Variants in GNG7 observed in about 807,000 individuals in gnomAD.
The protein encoded by GNG7 is G protein subunit gamma 7.
Under a neutral mutation model 4.0 loss-of-function variants are expected in GNG7, and 1 was observed. The ratio of observed to expected loss-of-function variants is 0.25; its 90% CI spans 0.09 to 1.18. The LOEUF is 1.18. GNG7 is among the 50% of genes most tolerant of loss of function. The pLI is 0.50. For missense variants in GNG7, 86 were observed against 91.9 expected, an observed-to-expected ratio of 0.94 and a Z score of 0.26; for synonymous variants, 34 against 36.9, an observed-to-expected ratio of 0.92 and a Z score of 0.29.
chr19:2,550,857 T>C (rs1979295115), intron 3 of GNG7, among the ~76,000 whole-genome samples: 1 of 152,128 alleles, frequency 6.6e-6, no homozygotes. Context: ...GGGAGAGGTA[T>C]CTGCTGAGTC....
At chr19:2,622,173 G>C (rs1981892000) in intron 2 of GNG7, among the ~76,000 whole-genome samples, 1 of 151,732 alleles carries the variant, frequency 6.6e-6, no homozygotes, top group Admixed American at 6.6e-5. Flanking sequence ...TCTGCCTCCC[G>C]GGTTCACGCC....
rs140684377 is a variant in GNG7, at chr19:2,550,272, C to T, written c.-38+4877G>A. Among the ~76,000 whole-genome samples, 717 of 152,304 alleles carry T rather than the reference C, an allele frequency of 4.7e-3. 2 individuals carry two copies. The highest frequency in any genetic ancestry group is 0.016 in the African/African-American group (675 of 41,550). Reference sequence around the variant, plus strand: ...TTGCTCTGTCGCCGAGGCTGGAGTGCAGTGGCGCAATCTCGGCTCACTGCA... The same window carrying T: ...TTGCTCTGTCGCCGAGGCTGGAGTGTAGTGGCGCAATCTCGGCTCACTGCA... On this transcript the variant is annotated intron_variant, in intron 3 of 4. Transcript: ENST00000382159.
intron 4 of GNG7, among the ~76,000 whole-genome samples, chr19:2,516,112 G>A (rs1366883225): frequency 6.6e-6 from 1 of 151,950 alleles, no homozygotes; most frequent in African/African-American, 2.4e-5. Flanking sequence ...AGCTAACTGG[G>A]GGGCTGAGGC....
intron 2 of GNG7, among the ~76,000 whole-genome samples, chr19:2,576,295 G>A (rs1189553614): frequency 6.6e-6 from 1 of 152,228 alleles, no homozygotes; most frequent in Non-Finnish European, 1.5e-5. Flanking sequence ...CAAACATGCC[G>A]GGTTGATTCC....
At chr19:2,635,740 A>G (rs990757130) in intron 2 of GNG7, among the ~76,000 whole-genome samples, 1 of 151,952 alleles carries the variant, frequency 6.6e-6, no homozygotes, top group African/African-American at 2.4e-5. Flanking sequence ...CCGCCACCAC[A>G]CCCAGCTAAT....
intron 1 of GNG7, among the ~76,000 whole-genome samples, chr19:2,673,257 C>CA (rs754605877): frequency 0.076 from 8,070 of 106,056 alleles, 487 homozygotes; most frequent in East Asian, 0.27. Context: ...GATTCCATCT[C>CA]AAAAAAAAAA....
At chr19:2,562,531 G>T (rs577552706) in intron 2 of GNG7, among the ~76,000 whole-genome samples, 1 of 152,276 alleles carries the variant, frequency 6.6e-6, no homozygotes, top group African/African-American at 2.4e-5. Flanking sequence ...CCTACAACAG[G>T]GTTTTTCCCC....
chr19:2,554,866 T>C (rs1979498982), intron 3 of GNG7, among the ~76,000 whole-genome samples: 1 of 152,106 alleles, frequency 6.6e-6, no homozygotes. Context: ...TTTTTATATT[T>C]TTGTATCTAT....
At chr19:2,672,356 G>A (rs1983476699) in intron 1 of GNG7, among the ~76,000 whole-genome samples, 1 of 151,914 alleles carries the variant, frequency 6.6e-6, no homozygotes, top group Admixed American at 6.6e-5. Context: ...GGGTCTCACT[G>A]TGTTGCCCAG....
At chr19:2,645,521 G>A (rs1367778200) in intron 2 of GNG7, among the ~76,000 whole-genome samples, 1 of 151,846 alleles carries the variant, frequency 6.6e-6, no homozygotes, top group Admixed American at 6.6e-5. Context: ...TTACAGGCAT[G>A]AGCCACCATG....
chr19:2,598,389 G>A (rs1981091713), intron 2 of GNG7, among the ~76,000 whole-genome samples: 1 of 152,062 alleles, frequency 6.6e-6, no homozygotes. Context: ...CGGGCGTGGT[G>A]GCTCACGCCT....
intron 2 of GNG7, among the ~76,000 whole-genome samples, chr19:2,613,536 G>A (rs1433568884): frequency 6.6e-5 from 10 of 152,306 alleles, no homozygotes; most frequent in Admixed American, 2.6e-4. Flanking sequence ...CCCACTCAGG[G>A]TGTGGATTTC....
rs1446257644 is a variant in GNG7, at chr19:2,557,433, T to C, written c.-77-2245A>G. 6.6e-6 allele frequency among the ~76,000 whole-genome samples: 1 copy of C among 152,204 alleles called. No individual in the cohort carries two copies. The highest frequency in any genetic ancestry group is 2.4e-5 in the African/African-American group (1 of 41,458). On this transcript the variant is annotated intron_variant, in intron 2 of 4. Transcript: ENST00000382159. This position sits in a 1 kb window ranked among gnomAD's most constrained non-coding sequence, Gnocchi z 5.1. ...CAGCCCTGCATCTGAAGCAAGGTCC[T>C]GCTAGTAAACATGCACAGACTCAAG...
rs923403882 is a variant in GNG7, at chr19:2,634,100, C to G, written c.-78+12124G>C. 6.6e-6 allele frequency among the ~76,000 whole-genome samples: 1 copy of G among 152,196 alleles called. No individual in the cohort carries two copies. Among genetic ancestry groups the G allele is most frequent in the African/African-American group, 2.4e-5 (1 of 41,454 alleles). Reference sequence around the variant, plus strand: ...GTGAGGAGGGAGAGAGGAGGTGAGTCCCAGGAGCTGGGGGTCCTCCTGGTT... The same window carrying G: ...GTGAGGAGGGAGAGAGGAGGTGAGTGCCAGGAGCTGGGGGTCCTCCTGGTT... On this transcript the variant is annotated intron_variant, in intron 2 of 4. Coordinates refer to ENST00000382159, the MANE Select transcript of GNG7 (RefSeq NM_052847.3). The surrounding 1 kb of genome is among the most constrained non-coding windows in gnomAD (Gnocchi z 5.3).
intron 2 of GNG7, among the ~76,000 whole-genome samples, chr19:2,570,971 T>C (rs1263024837): frequency 8.8e-6 from 1 of 113,202 alleles, no homozygotes; most frequent in Admixed American, 7.9e-5. Flanking sequence ...CTAATGTTTG[T>C]ATTTTTTTTT....
At chr19:2,680,050 C>G (rs992798197) in intron 1 of GNG7, among the ~76,000 whole-genome samples, 9 of 152,080 alleles carry the variant, frequency 5.9e-5, no homozygotes, top group African/African-American at 2.2e-4. Context: ...CGGCAGCTCA[C>G]GCCTGTAACC....
chr19:2,648,834 G>A (rs1345092319), intron 1 of GNG7, among the ~76,000 whole-genome samples: 1 of 152,096 alleles, frequency 6.6e-6, no homozygotes, highest in African/African-American at 2.4e-5. Flanking sequence ...CACCTTGCAG[G>A]GCAGCTATGA....
chr19:2,620,266 GGA>G (rs1981833689), intron 2 of GNG7, among the ~76,000 whole-genome samples: 2 of 148,324 alleles, frequency 1.3e-5, no homozygotes, highest in Non-Finnish European at 3.0e-5. Flanking sequence ...GGAGGGGAGA[GGA>G]GAGGACCCTG....
chr19:2,621,201 A>C (rs887214590), intron 2 of GNG7, among the ~76,000 whole-genome samples: 1 of 152,138 alleles, frequency 6.6e-6, no homozygotes. Context: ...TCGGAAAATG[A>C]CTGTTACGGA....
Sources: allele counts gnomAD v4.1 joint callset (sites outside exome capture counted in the v4.1 genomes callset), GRCh38; gene constraint gnomAD v4.1.1; non-coding constraint Gnocchi (gnomAD v3.1); transcripts MANE v1.5; gene names NCBI Gene and HGNC (gene_info 2026-07-23, HGNC 2026-07-21).